Variants in IGFBP4 observed in about 807,000 individuals in gnomAD.
IGFBP4 encodes insulin-like growth factor-binding protein 4.
IGFBP4 carries 9 observed loss-of-function variants against 25.8 expected under a neutral mutation model. The observed-to-expected ratio is 0.35, with a 90% CI of 0.21 to 0.61. The LOEUF is 0.61. IGFBP4 is among the 20% of genes least tolerant of loss of function. The pLI is 0.77. For synonymous variants in IGFBP4, 153 were observed against 153.9 expected, an observed-to-expected ratio of 0.99 and a Z score of 0.05; for missense variants, 315 against 365.3, an observed-to-expected ratio of 0.86 and a Z score of 1.12.
chr17:40,449,307 AG>A (rs1377177506), intron 1 of IGFBP4, among the ~76,000 whole-genome samples: 6 of 152,196 alleles, frequency 3.9e-5, no homozygotes, highest in African/African-American at 1.4e-4. Flanking sequence ...TCTGAGGGTT[AG>A]TTATTTGTGA....
In IGFBP4 at chr17:40,454,071, C is replaced by T. The variant is rs1415960582; in HGVS notation, c.642+9C>T. The T allele has an allele frequency of 1.2e-6, 2 of 1,610,938 alleles. No individual in the cohort carries two copies. Among genetic ancestry groups the T allele is most frequent in the Non-Finnish European group, 1.7e-6 (2 of 1,178,566 alleles). ...ACTTCCACCCCAAGCAGGTGGGTCT[C>T]TGTCTCCCGCTGGCTTGGCCCTGGA... On this transcript the variant is annotated intron_variant, in intron 3 of 3. Coordinates refer to ENST00000269593, the MANE Select transcript of IGFBP4 (RefSeq NM_001552.3).
chr17:40,452,368 C>T (rs1026997276), intron 1 of IGFBP4, among the ~76,000 whole-genome samples: 1 of 152,160 alleles, frequency 6.6e-6, no homozygotes, highest in African/African-American at 2.4e-5. Context: ...TTGTGTTACA[C>T]ACACACTCAC....
At position 40,444,012 on chromosome 17, in the gene IGFBP4, C is replaced by G. The variant is rs2035626044; in HGVS notation, c.277C>G (p.Leu93Val). ...PRGVEKPLHT[L>V]MHGQGVCMEL... ...AGGGGTGGAGAAGCCCCTGCACACA[C>G]TGATGCACGGGCAAGGCGTGTGCAT... Residue 93 changes from leucine to valine, a missense_variant, in exon 1 of 4, where the codon CTG becomes GTG. Transcript: ENST00000269593. 6.5e-7 allele frequency: 1 copy of G among 1,537,084 alleles called. No individual in the cohort carries two copies. The highest frequency in any genetic ancestry group is 2.0e-5 in the Admixed American group (1 of 50,784).
intron 1 of IGFBP4, among the ~76,000 whole-genome samples, chr17:40,449,569 A>T (rs946794593): frequency 6.6e-6 from 1 of 152,158 alleles, no homozygotes; most frequent in African/African-American, 2.4e-5. Flanking sequence ...TAACACGGTG[A>T]AACTTCATCT....
At chr17:40,447,296 G>A (rs561275750) in intron 1 of IGFBP4, among the ~76,000 whole-genome samples, 7 of 152,216 alleles carry the variant, frequency 4.6e-5, no homozygotes, top group Admixed American at 1.3e-4. Flanking sequence ...GGCCACCAGA[G>A]ATGAGGCGGG....
chr17:40,453,209 C>A lies in IGFBP4; in HGVS notation c.507+67C>A. The A allele has an allele frequency of 1.7e-6, 2 of 1,182,502 alleles. No individual in the cohort carries two copies. The highest frequency in any genetic ancestry group is 1.1e-6 in the Non-Finnish European group (1 of 879,976). The allele number at this position is 1,182,502 out of a possible 1,614,324, so 73.3% of individuals were successfully genotyped here. ...ACACACACACATGCCCCCTGCCCCC[C>A]ACATGCACGCACCCACACACACCAT... On this transcript the variant is annotated intron_variant, in intron 2 of 3. Coordinates refer to ENST00000269593, the MANE Select transcript of IGFBP4 (RefSeq NM_001552.3). This position sits in a 1 kb window ranked among gnomAD's most constrained non-coding sequence, Gnocchi z 4.0.
chr17:40,453,054 A>C lies in IGFBP4; in HGVS notation c.419A>C (p.Gln140Pro). ...PCSAHDRRCL[Q>P]KHFAKIRDRS... Reference sequence around the variant, plus strand: ...AGCGCCCATGACCGCAGGTGCCTGCAGAAGCACTTCGCCAAAATTCGAGAC... The same window carrying C: ...AGCGCCCATGACCGCAGGTGCCTGCCGAAGCACTTCGCCAAAATTCGAGAC... Residue 140 changes from glutamine to proline, a missense_variant, in exon 2 of 4, where the codon CAG becomes CCG. Transcript: ENST00000269593. The surrounding 1 kb of genome is among the most constrained non-coding windows in gnomAD (Gnocchi z 4.0). The C allele has an allele frequency of 6.2e-7, 1 of 1,602,174 alleles. No homozygotes were observed. The highest frequency in any genetic ancestry group is 1.7e-5 in the Admixed American group (1 of 57,982).
At chr17:40,449,583 C>G (rs2035670536) in intron 1 of IGFBP4, among the ~76,000 whole-genome samples, 1 of 152,076 alleles carries the variant, frequency 6.6e-6, no homozygotes, top group Non-Finnish European at 1.5e-5. Flanking sequence ...TTCATCTCTA[C>G]TAAAAATACA....
Position 40,443,852 on chromosome 17 carries a change from C to T in IGFBP4, c.117C>T (p.Arg39=), listed in dbSNP as rs754113478. The change falls in exon 1 of 4, where the codon CGC becomes CGT. Residue 39 remains arginine, a synonymous_variant. Coordinates refer to ENST00000269593, the MANE Select transcript of IGFBP4 (RefSeq NM_001552.3). ...PCSEEKLARC[R]PPVGCEELVR... ...CCGAGGAGAAGCTGGCGCGCTGCCGCCCCCCCGTGGGCTGCGAGGAGCTGG... is the reference window on the plus strand; with the variant it reads ...CCGAGGAGAAGCTGGCGCGCTGCCGTCCCCCCGTGGGCTGCGAGGAGCTGG... 1.8e-5 allele frequency: 27 copies of T among 1,529,082 alleles called. No homozygotes were observed. The South Asian group carries it at 1.8e-4, about 10-fold the overall frequency. 94.7% of individuals were successfully genotyped at this position (1,529,082 alleles called of 1,614,324 possible).
chr17:40,453,924 C>G lies in IGFBP4; in HGVS notation c.508-4C>G, dbSNP rs768989565. On this transcript the variant is annotated splice_polypyrimidine_tract_variant and splice_region_variant and intron_variant, in intron 2 of 3. Coordinates refer to ENST00000269593, the MANE Select transcript of IGFBP4 (RefSeq NM_001552.3). This position sits in a 1 kb window ranked among gnomAD's most constrained non-coding sequence, Gnocchi z 4.0. ...CTGAGCAATTTTGTCTTCCCCTCCT[C>G]CAGCCCCAGGGCTCCTGCCAGAGCG... is the stretch of plus-strand genomic sequence containing the variant. The G allele has an allele frequency of 6.2e-7, 1 of 1,602,386 alleles. No homozygotes were observed. The highest frequency in any genetic ancestry group is 8.5e-7 in the Non-Finnish European group (1 of 1,175,378).
intron 1 of IGFBP4, among the ~76,000 whole-genome samples, chr17:40,451,482 C>A (rs1014042417): frequency 2.6e-5 from 4 of 152,148 alleles, no homozygotes; most frequent in Admixed American, 6.5e-5. Flanking sequence ...ACCAACCCCC[C>A]CAGCTTTGGC....
chr17:40,446,138 C>A (rs1345983992), intron 1 of IGFBP4, among the ~76,000 whole-genome samples: 1 of 144,974 alleles, frequency 6.9e-6, no homozygotes, highest in Admixed American at 7.1e-5. Flanking sequence ...TCGAGACCAG[C>A]CTGAGCAATA....
rs1360795400 is a variant in IGFBP4, at chr17:40,443,667, C to T, written c.-69C>T. ...CGCTGCCGCCGTGTGCCCTCCGCCG[C>T]TCGCCCGCGCGCCCGCGCTCCCCGC... On this transcript the variant is annotated 5_prime_UTR_variant, in exon 1 of 4. Transcript: ENST00000269593. 2.2e-6 allele frequency: 2 copies of T among 891,582 alleles called. No individual in the cohort carries two copies. Among genetic ancestry groups the T allele is most frequent in the East Asian group, 6.2e-5 (1 of 16,202 alleles). 55.2% of individuals were successfully genotyped at this position (891,582 alleles called of 1,614,324 possible). A position where few individuals can be genotyped will look rare whatever the true frequency, so the allele number is the denominator to read the frequency against.
rs2035718495 is a variant in IGFBP4 at position 40,456,899 on chromosome 17, C to G, written c.*316C>G. On this transcript the variant is annotated 3_prime_UTR_variant, in exon 4 of 4. Coordinates refer to ENST00000269593, the MANE Select transcript of IGFBP4 (RefSeq NM_001552.3). ...CAGATCGATCCTGGATTCACTCACT[C>G]ACTCATTCCTTCACTCATCCAGCCA... The G allele has an allele frequency of 2.8e-6, 1 of 351,088 alleles. No individual in the cohort carries two copies. Among genetic ancestry groups the G allele is most frequent in the Non-Finnish European group, 5.2e-6 (1 of 193,860 alleles). 21.7% of individuals were successfully genotyped at this position (351,088 alleles called of 1,614,324 possible). A position where few individuals can be genotyped will look rare whatever the true frequency, so the allele number is the denominator to read the frequency against.
intron 1 of IGFBP4, among the ~76,000 whole-genome samples, chr17:40,450,862 C>T (rs2035678858): frequency 6.6e-6 from 1 of 152,132 alleles, no homozygotes; most frequent in African/African-American, 2.4e-5. Flanking sequence ...TTTCTCTCCA[C>T]TCCCCAGTTC....
At chr17:40,454,125 C>G in intron 3 of IGFBP4, 63 bp downstream of exon 3, 1 of 1,565,510 alleles carries the variant, frequency 6.4e-7, no homozygotes, top group South Asian at 1.2e-5. Flanking sequence ...CCGGCCTCTC[C>G]GCAGGATGGT....
At chr17:40,449,365 T>C (rs1251402363) in intron 1 of IGFBP4, among the ~76,000 whole-genome samples, 1 of 152,030 alleles carries the variant, frequency 6.6e-6, no homozygotes, top group Non-Finnish European at 1.5e-5. Context: ...CCTGTAATCC[T>C]AGCACTTTGG....
chr17:40,446,504 T>C (rs971421274), intron 1 of IGFBP4, among the ~76,000 whole-genome samples: 9 of 152,010 alleles, frequency 5.9e-5, no homozygotes, highest in Admixed American at 2.6e-4. Context: ...TAGTCCCAGC[T>C]ACTTGGGAGG....
At chr17:40,454,203 C>A in intron 3 of IGFBP4, 141 bp downstream of exon 3, 1 of 1,244,488 alleles carries the variant, frequency 8.0e-7, no homozygotes. Context: ...CCTCCCTAAA[C>A]CTACCTCAGC....
Sources: allele counts gnomAD v4.1 joint callset (sites outside exome capture counted in the v4.1 genomes callset), GRCh38; gene constraint gnomAD v4.1.1; non-coding constraint Gnocchi (gnomAD v3.1); transcripts MANE v1.5; gene names NCBI Gene and HGNC (gene_info 2026-07-23, HGNC 2026-07-21).